AGBL1: variants seen among roughly 807,000 people sequenced by gnomAD.
AGBL1 encodes the protein cytosolic carboxypeptidase 4.
AGBL1 carries 130 observed loss-of-function variants against 118.9 expected under a neutral mutation model. The ratio of observed to expected loss-of-function variants is 1.09; its 90% CI spans 0.95 to 1.26. The LOEUF is 1.26. Ranked by LOEUF, AGBL1 falls within the 50% of genes most tolerant of loss-of-function variation. The pLI is 0.00. For missense variants in AGBL1, 1,584 were observed against 1,298.1 expected (o/e 1.22, Z -3.38); for synonymous variants, 555 against 478.9 (o/e 1.16, Z -2.08).
chr15:86,488,064 G>T (rs1413446061), intron 18 of AGBL1, among the ~76,000 whole-genome samples: 1 of 151,964 alleles, frequency 6.6e-6, no homozygotes, highest in Non-Finnish European at 1.5e-5. Context: ...CCCCAAATTT[G>T]GTTTCCAGTC....
intron 1 of AGBL1, among the ~76,000 whole-genome samples, chr15:86,114,807 C>T (rs75015629): frequency 2.6e-5 from 4 of 152,190 alleles, no homozygotes; most frequent in African/African-American, 7.2e-5. Context: ...TGGGACAATT[C>T]GTATCCTATA....
chr15:86,735,789 T>G (rs1425451921), intron 22 of AGBL1, among the ~76,000 whole-genome samples: 2 of 152,162 alleles, frequency 1.3e-5, no homozygotes, highest in African/African-American at 4.8e-5. Context: ...TTTTAAAATG[T>G]ACATAGGCGT....
At chr15:86,762,861 AAAGAGGCC>A (rs1327128785) in intron 22 of AGBL1, among the ~76,000 whole-genome samples, 4 of 152,020 alleles carry the variant, frequency 2.6e-5, no homozygotes, top group Non-Finnish European at 5.9e-5. Context: ...AGTGTGTTGT[AAAGAGGCC>A]ACCTCCAAGA....
intron 1 of AGBL1, among the ~76,000 whole-genome samples, chr15:86,141,590 G>T (rs367970356): frequency 6.6e-6 from 1 of 152,314 alleles, no homozygotes; most frequent in East Asian, 1.9e-4. Flanking sequence ...GGTGGAAGTT[G>T]CAGTGAGTGG....
At chr15:86,558,272 A>G (rs112844014) in intron 21 of AGBL1, among the ~76,000 whole-genome samples, 3 of 152,306 alleles carry the variant, frequency 2.0e-5, no homozygotes, top group African/African-American at 7.2e-5. Context: ...GTCTATAACC[A>G]GGAATTGCTT....
intron 22 of AGBL1, among the ~76,000 whole-genome samples, chr15:86,782,788 T>G (rs529729742): frequency 4.7e-4 from 72 of 152,360 alleles, no homozygotes; most frequent in African/African-American, 1.6e-3. Flanking sequence ...AAACTTTGCC[T>G]TGCAATGGTA....
Position 86,444,504 on chromosome 15 carries a change from G to A in AGBL1, c.2555+46958G>A, listed in dbSNP as rs116542042. 1.0e-2 allele frequency among the ~76,000 whole-genome samples: 1,516 copies of A among 152,278 alleles called. 27 individuals are homozygous for A. Among genetic ancestry groups the A allele is most frequent in the African/African-American group, 0.035 (1,451 of 41,550 alleles). On this transcript the variant is annotated intron_variant, in intron 18 of 22. Coordinates refer to ENST00000614907, the MANE Select transcript of AGBL1 (RefSeq NM_001386094.1). ...GCTTGCCCAAAGGGTTCACTACAGG[G>A]TAGTGTGAGCCTAGGGCCAAAAGCT...
intron 1 of AGBL1, chr15:86,086,242 T>C (rs1895643859): frequency 6.6e-6 from 1 of 152,198 alleles, no homozygotes; most frequent in Non-Finnish European, 1.5e-5. Flanking sequence ...GTCTCGGTTA[T>C]CAATTACTGT....
chr15:86,101,892 G>T (rs144760401), intron 1 of AGBL1, among the ~76,000 whole-genome samples: 104 of 151,978 alleles, frequency 6.8e-4, no homozygotes, highest in African/African-American at 2.3e-3. Context: ...GATATGTGAG[G>T]GCTTATTCCT....
In AGBL1 at chr15:86,613,184, A is replaced by G. The variant is rs1187189156; in HGVS notation, c.2994+58647A>G. Among the ~76,000 whole-genome samples, 3 of 152,210 alleles carry G rather than the reference A, an allele frequency of 2.0e-5. No homozygotes were observed. Among genetic ancestry groups the G allele is most frequent in the Non-Finnish European group, 4.4e-5 (3 of 68,030 alleles). ...AAATTGATTAAGACTTGTCTCAGAT[A>G]CTTTTTGGTTTACAGGTACCTTAAA... On this transcript the variant is annotated intron_variant, in intron 21 of 22. Coordinates refer to ENST00000614907, the MANE Select transcript of AGBL1 (RefSeq NM_001386094.1). This position sits in a 1 kb window ranked among gnomAD's most constrained non-coding sequence, Gnocchi z 4.2.
intron 21 of AGBL1, among the ~76,000 whole-genome samples, chr15:86,576,609 A>G (rs953323372): frequency 1.3e-5 from 2 of 152,204 alleles, no homozygotes; most frequent in African/African-American, 4.8e-5. Flanking sequence ...TTTAGGCTGC[A>G]CTTGAAATAC....
At chr15:86,684,221 A>C (rs1406773181) in intron 22 of AGBL1, among the ~76,000 whole-genome samples, 1 of 152,162 alleles carries the variant, frequency 6.6e-6, no homozygotes, top group Non-Finnish European at 1.5e-5. Context: ...AAAGATCATG[A>C]GCTTAGATTA....
At chr15:86,447,911 G>A (rs1351739121) in intron 18 of AGBL1, among the ~76,000 whole-genome samples, 5 of 152,212 alleles carry the variant, frequency 3.3e-5, no homozygotes, top group Admixed American at 2.6e-4. Flanking sequence ...TTGAGAAGCT[G>A]AGGTGGGAGG....
rs923600221 is a variant in AGBL1 at position 86,912,763 on chromosome 15, A to T, written c.*5469A>T. 6.6e-6 allele frequency: 1 copy of T among 152,198 alleles called. No individual in the cohort carries two copies. Among genetic ancestry groups the T allele is most frequent in the Non-Finnish European group, 1.5e-5 (1 of 68,036 alleles). 9.4% of individuals were successfully genotyped at this position (152,198 alleles called of 1,614,324 possible). A position where few individuals can be genotyped will look rare whatever the true frequency, so the allele number is the denominator to read the frequency against. On this transcript the variant is annotated 3_prime_UTR_variant, in exon 23 of 23. Transcript: ENST00000614907. ...TTAGGGCCACAGAAGAATGACTCGC[A>T]TGGTGGATCTCAGCATTTGGATTTG...
chr15:86,778,124 A>G (rs1038561061), intron 22 of AGBL1, among the ~76,000 whole-genome samples: 2 of 152,138 alleles, frequency 1.3e-5, no homozygotes, highest in African/African-American at 4.8e-5. Context: ...CTGAGCCGTA[A>G]AACCAGCAAG....
At chr15:86,832,781 G>A (rs974037844) in intron 22 of AGBL1, among the ~76,000 whole-genome samples, 5 of 152,124 alleles carry the variant, frequency 3.3e-5, no homozygotes, top group African/African-American at 1.2e-4. Context: ...ACCTCTGCCT[G>A]TTACCCAGTT....
chr15:86,874,263 TAAA>T (rs974861503), intron 22 of AGBL1, among the ~76,000 whole-genome samples: 1 of 151,828 alleles, frequency 6.6e-6, no homozygotes, highest in African/African-American at 2.4e-5. Flanking sequence ...AAGAAAAAAA[TAAA>T]AACTATCTAG....
At chr15:86,901,511 T>A (rs1407087452) in intron 22 of AGBL1, among the ~76,000 whole-genome samples, 1 of 152,114 alleles carries the variant, frequency 6.6e-6, no homozygotes. Flanking sequence ...TCTATTGCAC[T>A]ATATTTTTAT....
intron 3 of AGBL1, among the ~76,000 whole-genome samples, chr15:86,149,493 A>T (rs1052567981): frequency 5.9e-5 from 9 of 152,328 alleles, no homozygotes; most frequent in African/African-American, 2.2e-4. Flanking sequence ...CTCCAATAAA[A>T]CAGACTTTAA....
Sources: gnomAD v4.1 joint callset for allele counts (sites outside exome capture counted in the v4.1 genomes callset) on GRCh38, gnomAD v4.1.1 for gene constraint, Gnocchi (gnomAD v3.1) non-coding constraint, MANE v1.5 for transcripts, NCBI Gene and HGNC (gene_info 2026-07-23, HGNC 2026-07-21) for gene names.